The following SH2B3 variants were observed in gnomAD, a reference collection of about 807,000 sequenced individuals.
The protein encoded by SH2B3 is SH2B adaptor protein 3.
Under a neutral mutation model 51.9 loss-of-function variants are expected in SH2B3, and 43 were observed. The ratio of observed to expected loss-of-function variants is 0.83; its 90% CI spans 0.65 to 1.07. The LOEUF (loss-of-function observed/expected upper bound fraction) is 1.07, where lower values mean the gene tolerates loss of function less well. SH2B3 is among the 50% of genes least tolerant of loss of function. The pLI, the probability that SH2B3 is intolerant of heterozygous loss-of-function variation, is 0.00. For synonymous variants in SH2B3, 396 were observed against 376.0 expected (o/e 1.05, Z -0.62); for missense variants, 952 against 834.3 (o/e 1.14, Z -1.74).
chr12:111,412,426 G>A (rs7977752), intron 1 of SH2B3, among the ~76,000 whole-genome samples: 31,062 of 152,130 alleles, frequency 0.2, 3,285 homozygotes, highest in East Asian at 0.33. Context: ...ATGACGCCCC[G>A]AGCCCAGCCC....
At chr12:111,439,133 C>A (rs915600024) in intron 2 of SH2B3, among the ~76,000 whole-genome samples, 1 of 151,966 alleles carries the variant, frequency 6.6e-6, no homozygotes, top group Non-Finnish European at 1.5e-5. Context: ...CCACCATGCC[C>A]GACTAATTTT....
chr12:111,424,295 C>T (rs1474926375), intron 2 of SH2B3, among the ~76,000 whole-genome samples: 1 of 151,954 alleles, frequency 6.6e-6, no homozygotes, highest in Non-Finnish European at 1.5e-5. Context: ...GTTCCTACCC[C>T]ATAGGGCTGT....
chr12:111,418,262 G>A lies in SH2B3; in HGVS notation c.117G>A (p.Arg39=), dbSNP rs2135547149. 10 of 1,533,382 alleles carry A rather than the reference G, an allele frequency of 6.5e-6. No homozygotes were observed. Among genetic ancestry groups the A allele is most frequent in the Non-Finnish European group, 8.7e-6 (10 of 1,146,392 alleles). 95.0% of individuals were successfully genotyped at this position (1,533,382 alleles called of 1,614,324 possible). The change falls in exon 2 of 8, where the codon CGG becomes CGA. Residue 39 remains arginine (R), a synonymous_variant. Coordinates refer to ENST00000341259, the MANE Select transcript of SH2B3 (RefSeq NM_005475.3). This position sits in a 1 kb window ranked among gnomAD's most constrained non-coding sequence, Gnocchi z 6.7. ...FCELHAVAAA[R]ELARQYWLFA... is the part of the protein sequence containing the mutation. ...AGTTGCACGCCGTAGCGGCGGCCCG[G>A]GAGCTGGCCCGCCAGTACTGGCTGT...
intron 2 of SH2B3, among the ~76,000 whole-genome samples, chr12:111,427,733 C>T (rs551644378): frequency 2.0e-4 from 30 of 152,350 alleles, no homozygotes; most frequent in African/African-American, 4.1e-4. Flanking sequence ...GGTTGAGCCT[C>T]AGTTTCCCTC....
In SH2B3 at chr12:111,448,322, C is replaced by A. The variant is rs1282030310; in HGVS notation, c.*20C>A. 3 of 1,555,748 alleles carry A rather than the reference C, an allele frequency of 1.9e-6. No homozygotes were observed. Among genetic ancestry groups the A allele is most frequent in the Non-Finnish European group, 2.6e-6 (3 of 1,134,890 alleles). On this transcript the variant is annotated 3_prime_UTR_variant, in exon 8 of 8. Transcript: ENST00000341259. The stretch of plus-strand genomic sequence containing the variant: ...CTCTGACCAGTGAGGAATTCCAGGC[C>A]TCAACAGCTGCCCTTGAGGAGCACA...
At chr12:111,425,566 T>C (rs1423196551) in intron 2 of SH2B3, among the ~76,000 whole-genome samples, 1 of 152,092 alleles carries the variant, frequency 6.6e-6, no homozygotes, top group African/African-American at 2.4e-5. Flanking sequence ...AAGGTGAGAC[T>C]ACAAAGGTAG....
chr12:111,448,544 C>G lies in SH2B3; in HGVS notation c.*242C>G, dbSNP rs750133788. On this transcript the variant is annotated 3_prime_UTR_variant, in exon 8 of 8. Coordinates refer to ENST00000341259, the MANE Select transcript of SH2B3 (RefSeq NM_005475.3). Reference sequence around the variant, plus strand: ...AGATGTAGTTCTTGTTAGAGGATGCCGCTAGCTCCTGCCCGGGGTCCCTAT... The same window carrying G: ...AGATGTAGTTCTTGTTAGAGGATGCGGCTAGCTCCTGCCCGGGGTCCCTAT... 1.9e-6 allele frequency: 1 copy of G among 518,700 alleles called. No individual in the cohort carries two copies. The highest frequency in any genetic ancestry group is 3.3e-5 in the East Asian group (1 of 30,668). The allele number at this position is 518,700 out of a possible 1,614,324, so 32.1% of individuals were successfully genotyped here. A position where few individuals can be genotyped will look rare whatever the true frequency, so the allele number is the denominator to read the frequency against.
Position 111,409,798 on chromosome 12 carries a change from C to T in SH2B3, c.-28+3521C>T, listed in dbSNP as rs182163148. Among the ~76,000 whole-genome samples the T allele has an allele frequency of 5.1e-3, 771 of 152,292 alleles. 3 individuals carry two copies. The highest frequency in any genetic ancestry group is 6.9e-3 in the Non-Finnish European group (467 of 67,994). On this transcript the variant is annotated intron_variant, in intron 1 of 7. Transcript: ENST00000341259. The surrounding 1 kb of genome is among the most constrained non-coding windows in gnomAD (Gnocchi z 4.0). ...GCCGGGGTGACAAGCATCCCTCTAC[C>T]AGGGCTCCAGGGTTCTGCTGGCCAC...
rs1872751317 is a variant in SH2B3, at chr12:111,435,103, C to T, written c.733-11650C>T. The T allele has an allele frequency of 3.4e-6, 4 of 1,184,864 alleles. No homozygotes were observed. The Admixed American group carries it at 7.4e-5, about 22-fold the overall frequency. The allele number at this position is 1,184,864 out of a possible 1,614,324, so 73.4% of individuals were successfully genotyped here. On this transcript the variant is annotated intron_variant, in intron 2 of 7. Transcript: ENST00000341259. This position sits in a 1 kb window ranked among gnomAD's most constrained non-coding sequence, Gnocchi z 4.8. The stretch of plus-strand genomic sequence containing the variant: ...AGTCCCCTCTCCTCTGGTGCACTCT[C>T]CCCACCCGAGACGGGCGACAGAGGT...
intron 1 of SH2B3, among the ~76,000 whole-genome samples, chr12:111,413,532 T>G (rs1264710672): frequency 6.6e-6 from 1 of 151,612 alleles, no homozygotes; most frequent in Non-Finnish European, 1.5e-5. Flanking sequence ...GGACCTGGAG[T>G]GGGCGCAGCT....
At chr12:111,439,933 A>G (rs12298548) in intron 2 of SH2B3, among the ~76,000 whole-genome samples, 15,746 of 152,032 alleles carry the variant, frequency 0.1, 2,723 homozygotes, top group African/African-American at 0.36. Context: ...CTGGCTGCTC[A>G]GCTCCCAGCA....
chr12:111,414,334 G>A (rs1292143154), intron 1 of SH2B3, among the ~76,000 whole-genome samples: 2 of 152,236 alleles, frequency 1.3e-5, no homozygotes, highest in Admixed American at 1.3e-4. Flanking sequence ...GCTCATGCCT[G>A]TAATCCCAGC....
In SH2B3 at chr12:111,447,730, G is replaced by A; in HGVS notation, c.1311G>A (p.Met437Ile). 1 of 1,614,056 alleles carries A rather than the reference G, an allele frequency of 6.2e-7. No individual in the cohort carries two copies. The highest frequency in any genetic ancestry group is 8.5e-7 in the Non-Finnish European group (1 of 1,180,002). The change falls in exon 7 of 8, where the codon ATG (methionine) becomes ATA (isoleucine). Residue 437 changes from methionine to isoleucine, a missense_variant. Physicochemically the swap from Met to Ile is conservative, Grantham distance 10. Transcript: ENST00000341259. Reference protein sequence around the residue: ...QHLHFPSVVDMLHHFQRSPIP... With the variant: ...QHLHFPSVVDILHHFQRSPIP... ...TCCACTTTCCCTCGGTCGTGGACAT[G>A]CTCCACCACTTCCAGCGCTCGCCCA...
rs1001185161 is a variant in SH2B3, at chr12:111,418,263, G to C, written c.118G>C (p.Glu40Gln). ...GTTGCACGCCGTAGCGGCGGCCCGG[G>C]AGCTGGCCCGCCAGTACTGGCTGTT... ...CELHAVAAAR[E>Q]LARQYWLFAR... Residue 40 changes from glutamate (E) to glutamine (Q), a missense_variant, in exon 2 of 8, where the codon GAG (glutamate) becomes CAG (glutamine). Physicochemically the swap from Glu to Gln is conservative, Grantham distance 29. Transcript: ENST00000341259. This position sits in a 1 kb window ranked among gnomAD's most constrained non-coding sequence, Gnocchi z 6.7. The C allele has an allele frequency of 6.5e-7, 1 of 1,531,908 alleles. No homozygotes were observed. The highest frequency in any genetic ancestry group is 2.5e-5 in the East Asian group (1 of 40,496). The allele number at this position is 1,531,908 out of a possible 1,614,324, so 94.9% of individuals were successfully genotyped here. A position where few individuals can be genotyped will look rare whatever the true frequency, so the allele number is the denominator to read the frequency against.
rs573740033 is a variant in SH2B3, at chr12:111,442,500, G to A, written c.733-4253G>A. 2.0e-5 allele frequency among the ~76,000 whole-genome samples: 3 copies of A among 152,320 alleles called. No individual in the cohort carries two copies. In the South Asian group the frequency reaches 6.2e-4, roughly 32 times the overall value. On this transcript the variant is annotated intron_variant, in intron 2 of 7. Transcript: ENST00000341259. ...CGATGAATGTGGGCTCAAAGGCTCT[G>A]GGGAAGGTAAGACCACCAGGGAGCT... is the stretch of plus-strand genomic sequence containing the variant.
chr12:111,408,402 C>T (rs1870410276), intron 1 of SH2B3, among the ~76,000 whole-genome samples: 1 of 151,026 alleles, frequency 6.6e-6, no homozygotes, highest in Non-Finnish European at 1.5e-5. Context: ...TTCCTCATCC[C>T]CCCACCCCCA....
At position 111,429,142 on chromosome 12, in the gene SH2B3, C is replaced by A. The variant is rs1872264599; in HGVS notation, c.732+10265C>A. Reference sequence around the variant, plus strand: ...GCCCCTGCCCTTCTGAGCCTGTGACCCGGGGGAAGGCACTTTGCCCTCCCT... The same window carrying A: ...GCCCCTGCCCTTCTGAGCCTGTGACACGGGGGAAGGCACTTTGCCCTCCCT... On this transcript the variant is annotated intron_variant, in intron 2 of 7. Coordinates refer to ENST00000341259, the MANE Select transcript of SH2B3 (RefSeq NM_005475.3). The surrounding 1 kb of genome is among the most constrained non-coding windows in gnomAD (Gnocchi z 4.4). Among the ~76,000 whole-genome samples the A allele has an allele frequency of 6.6e-6, 1 of 151,990 alleles. No individual in the cohort carries two copies. Among genetic ancestry groups the A allele is most frequent in the Non-Finnish European group, 1.5e-5 (1 of 67,976 alleles).
chr12:111,418,591 G>C lies in SH2B3; in HGVS notation c.446G>C (p.Arg149Pro), dbSNP rs1395045522. ...AGCCTCCGCCACATCTTCCGCCGCC[G>C]CTCGGCCGGGGAGCTGCCAGCGGCC... The part of the protein sequence containing the change: ...RRSLRHIFRR[R>P]SAGELPAAHT... The change falls in exon 2 of 8, where the codon CGC becomes CCC. Residue 149 changes from arginine to proline, a missense_variant. Transcript: ENST00000341259. The surrounding 1 kb of genome is among the most constrained non-coding windows in gnomAD (Gnocchi z 6.7). The C allele has an allele frequency of 2.0e-6, 3 of 1,488,592 alleles. No individual in the cohort carries two copies. The highest frequency in any genetic ancestry group is 2.7e-6 in the Non-Finnish European group (3 of 1,126,462). 92.2% of individuals were successfully genotyped at this position (1,488,592 alleles called of 1,614,324 possible). A position where few individuals can be genotyped will look rare whatever the true frequency, so the allele number is the denominator to read the frequency against.
chr12:111,409,750 C>T lies in SH2B3; in HGVS notation c.-28+3473C>T, dbSNP rs1870538115. On this transcript the variant is annotated intron_variant, in intron 1 of 7. Transcript: ENST00000341259. This position sits in a 1 kb window ranked among gnomAD's most constrained non-coding sequence, Gnocchi z 4.0. ...GCAGCAGGACCAGGCCACCACTGGA[C>T]ATCTGCTCAATGGGGCCCTGCTGCC... 6.6e-6 allele frequency among the ~76,000 whole-genome samples: 1 copy of T among 152,206 alleles called. No homozygotes were observed. Among genetic ancestry groups the T allele is most frequent in the Non-Finnish European group, 1.5e-5 (1 of 68,022 alleles).
Sources: allele counts gnomAD v4.1 joint callset (sites outside exome capture counted in the v4.1 genomes callset), GRCh38; gene constraint gnomAD v4.1.1; non-coding constraint Gnocchi (gnomAD v3.1); transcripts MANE v1.5; gene names NCBI Gene and HGNC (gene_info 2026-07-23, HGNC 2026-07-21).